Variants in CDH4 observed in about 807,000 individuals in gnomAD.
CDH4 encodes cadherin-4.
CDH4 carries 33 observed loss-of-function variants against 86.0 expected under a neutral mutation model. The ratio of observed to expected loss-of-function variants is 0.38; its 90% CI spans 0.29 to 0.51. The LOEUF is 0.51. CDH4 is among the 20% of genes least tolerant of loss of function. CDH4 has a pLI of 0.86. For synonymous variants in CDH4, 555 were observed against 549.4 expected (o/e 1.01, Z -0.14); for missense variants, 1,114 against 1,307.4 (o/e 0.85, Z 2.28).
chr20:61,455,855 A>ATAGATGGATATCCACATGTGTGT (rs1340198159), intron 2 of CDH4, among the ~76,000 whole-genome samples: 2 of 152,188 alleles, frequency 1.3e-5, no homozygotes, highest in African/African-American at 4.8e-5. Flanking sequence ...AGCATGAAGG[A>ATAGATGGATATCCACATGTGTGT]GCCAAACATG....
At chr20:61,741,390 T>C (rs956434270) in intron 2 of CDH4, among the ~76,000 whole-genome samples, 1 of 152,186 alleles carries the variant, frequency 6.6e-6, no homozygotes, top group African/African-American at 2.4e-5. Context: ...TTCATATGGC[T>C]GACGCCACCG....
intron 8 of CDH4, 97 bp downstream of exon 8, chr20:61,895,144 G>C (rs144440239): frequency 1.4e-6 from 2 of 1,424,330 alleles, no homozygotes; most frequent in Non-Finnish European, 1.9e-6. Flanking sequence ...GGCTCTGCCT[G>C]ACGGGCACTT....
chr20:61,583,319 C>G (rs2086445968), intron 2 of CDH4, among the ~76,000 whole-genome samples: 1 of 150,928 alleles, frequency 6.6e-6, no homozygotes, highest in South Asian at 2.1e-4. Context: ...TGTGGGGGGA[C>G]AGAGGGCTGG....
intron 1 of CDH4, among the ~76,000 whole-genome samples, chr20:61,253,105 G>A (rs1188664997): frequency 6.6e-6 from 1 of 151,598 alleles, no homozygotes; most frequent in East Asian, 1.9e-4. Flanking sequence ...TCAGTTCTGT[G>A]GGTGCCGGCA....
intron 2 of CDH4, among the ~76,000 whole-genome samples, chr20:61,514,306 GC>G (rs1215793319): frequency 2.1e-4 from 27 of 125,902 alleles, no homozygotes; most frequent in African/African-American, 3.5e-4. Flanking sequence ...GCCTCAGTCC[GC>G]CCCCCCCGCC....
chr20:61,605,124 C>T (rs888388324), intron 2 of CDH4, among the ~76,000 whole-genome samples: 3 of 152,172 alleles, frequency 2.0e-5, no homozygotes, highest in African/African-American at 7.2e-5. Flanking sequence ...TAAGATTAGG[C>T]AATGAGTGTG....
chr20:61,322,291 C>T (rs2084513127), intron 2 of CDH4, among the ~76,000 whole-genome samples: 2 of 152,222 alleles, frequency 1.3e-5, no homozygotes, highest in Admixed American at 1.3e-4. Context: ...GCTGCTAATT[C>T]TGCACCTGAG....
chr20:61,698,481 C>A (rs1032715136), intron 2 of CDH4, among the ~76,000 whole-genome samples: 1 of 152,368 alleles, frequency 6.6e-6, no homozygotes, highest in East Asian at 1.9e-4. Flanking sequence ...AGCTCATTCC[C>A]GGGGCTGGTG....
At chr20:61,900,475 G>T (rs3787408) in intron 8 of CDH4, among the ~76,000 whole-genome samples, 113,141 of 151,814 alleles carry the variant, frequency 0.75, 44,531 homozygotes, top group Non-Finnish European at 0.88. Flanking sequence ...TACCAGGGAC[G>T]GCTTCCCAGA....
intron 4 of CDH4, among the ~76,000 whole-genome samples, chr20:61,839,395 TTG>T (rs1003960725): frequency 2.0e-5 from 3 of 151,628 alleles, no homozygotes; most frequent in African/African-American, 4.8e-5. Flanking sequence ...GTATGTGTAT[TTG>T]TGTTGTGTGC....
intron 2 of CDH4, among the ~76,000 whole-genome samples, chr20:61,347,101 G>A (rs6028139): frequency 0.2 from 30,182 of 152,194 alleles, 2,997 homozygotes; most frequent in Middle Eastern, 0.35. Flanking sequence ...TGTAGGGCCC[G>A]AACTCCCAGC....
At chr20:61,674,602 G>C (rs942150904) in intron 2 of CDH4, among the ~76,000 whole-genome samples, 2 of 152,174 alleles carry the variant, frequency 1.3e-5, no homozygotes, top group Non-Finnish European at 2.9e-5. Flanking sequence ...AAATTTTCAG[G>C]AGCCACATTC....
chr20:61,565,823 C>T (rs1001736897), intron 2 of CDH4, among the ~76,000 whole-genome samples: 2 of 152,162 alleles, frequency 1.3e-5, no homozygotes, highest in Non-Finnish European at 2.9e-5. Flanking sequence ...AGGAGCCAGC[C>T]GAGGCTACAT....
chr20:61,584,193 G>C (rs972047375), intron 2 of CDH4, among the ~76,000 whole-genome samples: 3 of 152,162 alleles, frequency 2.0e-5, no homozygotes, highest in Admixed American at 6.5e-5. Flanking sequence ...GAGGTTCCCT[G>C]CTAAACTCCT....
intron 2 of CDH4, among the ~76,000 whole-genome samples, chr20:61,258,626 A>G (rs2123117190): frequency 6.6e-6 from 1 of 152,338 alleles, no homozygotes; most frequent in South Asian, 2.1e-4. Flanking sequence ...CATAATCTTA[A>G]ATAAATGGGA....
chr20:61,714,021 T>TG (rs1555828912), intron 2 of CDH4, among the ~76,000 whole-genome samples: 51 of 135,970 alleles, frequency 3.8e-4, no homozygotes, highest in African/African-American at 1.3e-3. Context: ...GTCTATTCTT[T>TG]TTTTATTTTA....
At chr20:61,705,229 A>G (rs2087816656) in intron 2 of CDH4, among the ~76,000 whole-genome samples, 1 of 152,174 alleles carries the variant, frequency 6.6e-6, no homozygotes, top group Non-Finnish European at 1.5e-5. Flanking sequence ...GAGCTAACTC[A>G]AGACCCCAGG....
At chr20:61,309,735 C>T (rs753029817) in intron 2 of CDH4, among the ~76,000 whole-genome samples, 2 of 152,028 alleles carry the variant, frequency 1.3e-5, no homozygotes, top group Non-Finnish European at 2.9e-5. Flanking sequence ...TGTAGATTCC[C>T]TTGTCCTTTA....
chr20:61,888,278 C>A (rs1984636509), intron 7 of CDH4, among the ~76,000 whole-genome samples: 1 of 152,200 alleles, frequency 6.6e-6, no homozygotes, highest in East Asian at 1.9e-4. Flanking sequence ...CATTTGGGTT[C>A]TCATTGGCAA....
Sources: allele counts gnomAD v4.1 joint callset (sites outside exome capture counted in the v4.1 genomes callset), GRCh38; gene constraint gnomAD v4.1.1; transcripts MANE v1.5; gene names NCBI Gene and HGNC (gene_info 2026-07-23, HGNC 2026-07-21).